GRIN2A: variants seen among roughly 807,000 people sequenced by gnomAD.
The protein encoded by GRIN2A is glutamate ionotropic receptor NMDA type subunit 2A, also known as glutamate receptor ionotropic, NMDA 2A.
Under a neutral mutation model 113.4 loss-of-function variants are expected in GRIN2A, and 22 were observed. The observed-to-expected ratio is 0.19, with a 90% CI of 0.14 to 0.28. The LOEUF (loss-of-function observed/expected upper bound fraction) is 0.28. Ranked by LOEUF, GRIN2A falls within the 10% of genes least tolerant of loss-of-function variation. The pLI, the probability that GRIN2A is intolerant of heterozygous loss-of-function variation, is 1.00. For missense variants in GRIN2A, 1,502 were observed against 1,887.0 expected (o/e 0.80, Z 3.78); for synonymous variants, 827 against 738.4 (o/e 1.12, Z -1.94).
chr16:10,082,883 T>C (rs1332086460), intron 2 of GRIN2A, among the ~76,000 whole-genome samples: 1 of 152,216 alleles, frequency 6.6e-6, no homozygotes, highest in Non-Finnish European at 1.5e-5. Context: ...GGGCTTCCTT[T>C]AATAATAATA....
intron 2 of GRIN2A, among the ~76,000 whole-genome samples, chr16:10,159,266 A>T (rs1190442708): frequency 6.6e-6 from 1 of 152,128 alleles, no homozygotes; most frequent in African/African-American, 2.4e-5. Context: ...AATACCATTG[A>T]CAGAGAGAAG....
Position 9,829,601 on chromosome 16 carries a change from C to T in GRIN2A, c.1829G>A (p.Gly610Asp). ...AGGCACGGAGTTATTGAACACCAGG[C>T]CCCAAAGAAGCCATATAGCTTTTCC... ...TIGKAIWLLWGLVFNNSVPVQ... is the reference protein window; with the variant it reads ...TIGKAIWLLWDLVFNNSVPVQ... The change falls in exon 9 of 13, where the codon GGC becomes GAC. Residue 610 changes from glycine to aspartate, a missense_variant. Physicochemically the swap from Gly to Asp is moderately conservative, Grantham distance 94. Around this residue, in one of 7 missense-constraint regions of GRIN2A, gnomAD observed 82 missense variants for 222.7 expected, o/e 0.37. Coordinates refer to ENST00000330684, the MANE Select transcript of GRIN2A (RefSeq NM_001134407.3). 6.2e-7 allele frequency: 1 copy of T among 1,613,938 alleles called. No homozygotes were observed. The highest frequency in any genetic ancestry group is 8.5e-7 in the Non-Finnish European group (1 of 1,179,914).
chr16:10,005,457 C>T (rs559375588), intron 2 of GRIN2A, among the ~76,000 whole-genome samples: 5 of 152,140 alleles, frequency 3.3e-5, no homozygotes, highest in Admixed American at 2.0e-4. Flanking sequence ...AATTTCAGAG[C>T]GATGGTCACA....
chr16:10,138,413 G>A (rs1258910507), intron 2 of GRIN2A, among the ~76,000 whole-genome samples: 2 of 152,210 alleles, frequency 1.3e-5, no homozygotes, highest in Non-Finnish European at 2.9e-5. Context: ...GGAAGACGAA[G>A]AGGAAGCGAG....
At chr16:9,774,294 G>C (rs1261609472) in intron 11 of GRIN2A, among the ~76,000 whole-genome samples, 1 of 152,222 alleles carries the variant, frequency 6.6e-6, no homozygotes, top group East Asian at 1.9e-4. Flanking sequence ...GAAAACACTA[G>C]AATGAGATAT....
intron 2 of GRIN2A, among the ~76,000 whole-genome samples, chr16:10,107,317 C>T (rs1264739050): frequency 6.6e-6 from 1 of 152,152 alleles, no homozygotes; most frequent in East Asian, 1.9e-4. Context: ...GGATCTGTCT[C>T]CCCCAAAGGA....
chr16:10,158,757 G>C (rs1200370973), intron 2 of GRIN2A, among the ~76,000 whole-genome samples: 4 of 152,152 alleles, frequency 2.6e-5, no homozygotes, highest in African/African-American at 4.8e-5. Context: ...CCAGGAGCTG[G>C]AGGGGTGGGG....
intron 10 of GRIN2A, among the ~76,000 whole-genome samples, chr16:9,800,741 A>G (rs1903309210): frequency 6.6e-6 from 1 of 152,128 alleles, no homozygotes; most frequent in Non-Finnish European, 1.5e-5. Flanking sequence ...AATCAGATCA[A>G]GCAGCAGCAG....
intron 11 of GRIN2A, among the ~76,000 whole-genome samples, chr16:9,790,339 C>G (rs909264936): frequency 2.6e-5 from 4 of 152,200 alleles, no homozygotes. Flanking sequence ...TGAGCCCCAA[C>G]TCTGCACTCC....
At chr16:10,138,735 C>T (rs1048365398) in intron 2 of GRIN2A, among the ~76,000 whole-genome samples, 2 of 152,136 alleles carry the variant, frequency 1.3e-5, no homozygotes, top group Non-Finnish European at 2.9e-5. Flanking sequence ...CCCAGACTTA[C>T]TGTGAGGATT....
intron 2 of GRIN2A, among the ~76,000 whole-genome samples, chr16:10,125,488 C>T (rs563138002): frequency 1.3e-5 from 2 of 152,258 alleles, no homozygotes; most frequent in East Asian, 3.9e-4. Flanking sequence ...TAAATCCCTA[C>T]TTAAATTGCC....
At chr16:9,926,053 A>T (rs2044457636) in intron 3 of GRIN2A, among the ~76,000 whole-genome samples, 1 of 152,130 alleles carries the variant, frequency 6.6e-6, no homozygotes, top group Admixed American at 6.6e-5. Flanking sequence ...GCCACTGCAC[A>T]CCCCACCAGA....
intron 2 of GRIN2A, among the ~76,000 whole-genome samples, chr16:10,126,513 T>C (rs1254587459): frequency 6.6e-6 from 1 of 152,230 alleles, no homozygotes; most frequent in East Asian, 1.9e-4. Flanking sequence ...CAGGGTTTAC[T>C]ATTTTCTTGG....
At chr16:10,077,692 C>T (rs184152501) in intron 2 of GRIN2A, among the ~76,000 whole-genome samples, 27 of 152,338 alleles carry the variant, frequency 1.8e-4, no homozygotes, top group Middle Eastern at 3.4e-3. Context: ...TCATCTCCTT[C>T]CATCCCCAAG....
intron 2 of GRIN2A, among the ~76,000 whole-genome samples, chr16:10,091,885 G>C (rs1052932666): frequency 6.6e-6 from 1 of 152,148 alleles, no homozygotes; most frequent in African/African-American, 2.4e-5. Flanking sequence ...ATGATTGACA[G>C]GCCTGAGATA....
chr16:9,840,531 A>G, intron 7 of GRIN2A, 116 bp downstream of exon 7: 1 of 960,714 alleles, frequency 1.0e-6, no homozygotes, highest in Non-Finnish European at 1.7e-6. Flanking sequence ...CCTCTGAAAT[A>G]TGCTGCCATG....
At chr16:10,130,395 G>C (rs1357290800) in intron 2 of GRIN2A, among the ~76,000 whole-genome samples, 1 of 152,204 alleles carries the variant, frequency 6.6e-6, no homozygotes, top group Non-Finnish European at 1.5e-5. Context: ...GAATTTTCGA[G>C]CTGAGCAGAT....
At chr16:9,864,051 T>C (rs1432970237) in intron 4 of GRIN2A, among the ~76,000 whole-genome samples, 1 of 152,226 alleles carries the variant, frequency 6.6e-6, no homozygotes, top group Non-Finnish European at 1.5e-5. Context: ...CAGTGATAAC[T>C]ATTATTATTT....
At chr16:10,181,097 C>A (rs533523651) in intron 1 of GRIN2A, among the ~76,000 whole-genome samples, 1 of 150,698 alleles carries the variant, frequency 6.6e-6, no homozygotes, top group East Asian at 2.0e-4. Context: ...GCCTGGTGGG[C>A]CCAGGCTCCG....
Sources: gnomAD v4.1 joint callset for allele counts (sites outside exome capture counted in the v4.1 genomes callset) on GRCh38, gnomAD v4.1.1 for gene constraint, gnomAD v4.1.1 regional missense constraint, MANE v1.5 for transcripts, NCBI Gene and HGNC (gene_info 2026-07-23, HGNC 2026-07-21) for gene names.